Variants in CDK14 observed in about 807,000 individuals in gnomAD.
The protein encoded by CDK14 is cyclin-dependent kinase 14.
CDK14 carries 34 observed loss-of-function variants against 60.7 expected under a neutral mutation model. The observed-to-expected ratio is 0.56, with a 90% CI of 0.43 to 0.75. CDK14 has a LOEUF of 0.75. Ranked by LOEUF, CDK14 falls within the 30% of genes least tolerant of loss-of-function variation. The pLI, the probability that CDK14 is intolerant of heterozygous loss-of-function variation, is 0.00. For synonymous variants in CDK14, 197 were observed against 203.7 expected, an observed-to-expected ratio of 0.97 and a Z score of 0.28; for missense variants, 482 against 564.1, an observed-to-expected ratio of 0.85 and a Z score of 1.47.
At chr7:91,065,831 C>T (rs769949707) in intron 11 of CDK14, among the ~76,000 whole-genome samples, 3 of 152,198 alleles carry the variant, frequency 2.0e-5, no homozygotes, top group Non-Finnish European at 4.4e-5. Context: ...GAATAAAATA[C>T]TGTGCCTTCT....
At chr7:91,026,679 G>C (rs1378697643) in intron 10 of CDK14, among the ~76,000 whole-genome samples, 3 of 152,136 alleles carry the variant, frequency 2.0e-5, no homozygotes, top group South Asian at 4.1e-4. Flanking sequence ...TTAGCTGCGT[G>C]ACCTTCGGCA....
rs1160442832 is a variant in CDK14, at chr7:90,630,881, G to GGTGTGTGT, written c.123+26638_123+26639insGTGTGTGT. Among the ~76,000 whole-genome samples, 16 of 78,888 alleles carry GGTGTGTGT rather than the reference G, an allele frequency of 2.0e-4. No individual in the cohort carries two copies. In the East Asian group the frequency reaches 3.5e-3, roughly 17 times the overall value. 51.8% of individuals were successfully genotyped at this position (78,888 alleles called of 152,430 possible). A position where few individuals can be genotyped will look rare whatever the true frequency, so the allele number is the denominator to read the frequency against. ...TTATCTCTGAGTATTTACATCTTGGGGTGTGTATGTGTGTGTGTGTGTGTG... is the reference window on the plus strand; with the variant it reads ...TTATCTCTGAGTATTTACATCTTGGGGTGTGTGTGTGTGTATGTGTGTGTGTGTGTGTG... On this transcript the variant is annotated intron_variant, in intron 2 of 14. Transcript: ENST00000380050.
chr7:91,204,064 G>A (rs1264116349), intron 14 of CDK14, among the ~76,000 whole-genome samples: 6 of 152,170 alleles, frequency 3.9e-5, no homozygotes, highest in Admixed American at 3.9e-4. Flanking sequence ...GCAAGGATGA[G>A]GAGTGGTCAA....
At chr7:91,110,606 A>G (rs943174790) in intron 12 of CDK14, among the ~76,000 whole-genome samples, 8 of 152,218 alleles carry the variant, frequency 5.3e-5, no homozygotes, top group African/African-American at 7.2e-5. Flanking sequence ...TTGTGCACCA[A>G]CTATCGCAAT....
intron 10 of CDK14, among the ~76,000 whole-genome samples, chr7:90,999,533 G>C (rs996803901): frequency 6.6e-6 from 1 of 152,080 alleles, no homozygotes; most frequent in South Asian, 2.1e-4. Flanking sequence ...AGGTTGCAGT[G>C]AGCCGAGATC....
intron 6 of CDK14, among the ~76,000 whole-genome samples, chr7:90,894,547 G>A (rs999735360): frequency 6.6e-6 from 1 of 152,138 alleles, no homozygotes; most frequent in African/African-American, 2.4e-5. Context: ...TAATGTCATT[G>A]GATTTGGAGG....
chr7:90,884,971 A>G (rs1379251155), intron 6 of CDK14, among the ~76,000 whole-genome samples: 1 of 152,198 alleles, frequency 6.6e-6, no homozygotes, highest in African/African-American at 2.4e-5. Flanking sequence ...AAAACCCAAA[A>G]TCATAAAAAC....
chr7:91,069,873 TG>T (rs1798086661), intron 11 of CDK14, among the ~76,000 whole-genome samples: 1 of 152,204 alleles, frequency 6.6e-6, no homozygotes, highest in Non-Finnish European at 1.5e-5. Flanking sequence ...CATGGCTTAG[TG>T]CAGCCTCTAC....
At chr7:91,039,322 G>A (rs147674785) in intron 10 of CDK14, among the ~76,000 whole-genome samples, 11 of 152,084 alleles carry the variant, frequency 7.2e-5, no homozygotes, top group Non-Finnish European at 1.0e-4. Flanking sequence ...TAAAAAAATC[G>A]TTTATCTTCT....
At chr7:90,655,402 G>C (rs903651455) in intron 2 of CDK14, among the ~76,000 whole-genome samples, 4 of 151,702 alleles carry the variant, frequency 2.6e-5, no homozygotes, top group Admixed American at 2.6e-4. Flanking sequence ...ATGGTCTATC[G>C]GTTTAAAAAA....
chr7:91,081,752 A>T (rs1441873657), intron 12 of CDK14, among the ~76,000 whole-genome samples: 1 of 152,168 alleles, frequency 6.6e-6, no homozygotes, highest in East Asian at 1.9e-4. Flanking sequence ...AACCATGGGC[A>T]TAATTTCATC....
intron 2 of CDK14, 29 bp downstream of exon 2, chr7:90,604,278 G>C: frequency 4.2e-6 from 6 of 1,432,508 alleles, no homozygotes; most frequent in Non-Finnish European, 5.7e-6. Context: ...TCTAATGTTA[G>C]ATGTATTTAA....
intron 4 of CDK14, among the ~76,000 whole-genome samples, chr7:90,789,749 T>C (rs1805748961): frequency 6.6e-6 from 1 of 152,086 alleles, no homozygotes; most frequent in African/African-American, 2.4e-5. Context: ...TTTTTCCTAT[T>C]TTAATTAACA....
chr7:90,627,216 A>C (rs1255037263), intron 2 of CDK14, among the ~76,000 whole-genome samples: 1 of 150,914 alleles, frequency 6.6e-6, no homozygotes, highest in Non-Finnish European at 1.5e-5. Context: ...TGGTCAGCAC[A>C]GATTTTTTTT....
In CDK14 at chr7:90,660,422, C is replaced by A. The variant is rs560973127; in HGVS notation, c.123+56173C>A. On this transcript the variant is annotated intron_variant, in intron 2 of 14. Coordinates refer to ENST00000380050, the MANE Select transcript of CDK14 (RefSeq NM_001287135.2). Reference sequence around the variant, plus strand: ...CTGTAAGATGGGAATAATAATATTGCCTACCTCTTAGCTTTGCTGTAGAGA... The same window carrying A: ...CTGTAAGATGGGAATAATAATATTGACTACCTCTTAGCTTTGCTGTAGAGA... Among the ~76,000 whole-genome samples, 5 of 152,268 alleles carry A rather than the reference C, an allele frequency of 3.3e-5. No homozygotes were observed. The South Asian group carries it at 1.0e-3, about 32-fold the overall frequency.
chr7:90,757,238 GTGTGTGTGTGTGTC>G lies in CDK14; in HGVS notation c.464+9473_464+9486del, dbSNP rs1244924525. ...TGTGTGTGTGTGTGTGTGTGTGTGT[GTGTGTGTGTGTGTC>G]TGTGTGTGTCTGTGTCCAAGTTTTC... On this transcript the variant is annotated intron_variant, in intron 4 of 14. Coordinates refer to ENST00000380050, the MANE Select transcript of CDK14 (RefSeq NM_001287135.2). Among the ~76,000 whole-genome samples, 382 of 145,954 alleles carry G rather than the reference GTGTGTGTGTGTGTC, an allele frequency of 2.6e-3. 5 individuals are homozygous for G. The East Asian group carries it at 0.027, about 10-fold the overall frequency.
intron 2 of CDK14, among the ~76,000 whole-genome samples, chr7:90,645,473 C>A (rs1257202066): frequency 6.6e-6 from 1 of 152,008 alleles, no homozygotes; most frequent in Non-Finnish European, 1.5e-5. Context: ...ATTTGCCAGG[C>A]TTGAATTGAA....
chr7:90,972,318 C>T (rs958981072), intron 9 of CDK14, among the ~76,000 whole-genome samples: 1 of 152,118 alleles, frequency 6.6e-6, no homozygotes, highest in African/African-American at 2.4e-5. Context: ...CTGTAGTCAC[C>T]AAGGGCATGC....
intron 14 of CDK14, among the ~76,000 whole-genome samples, chr7:91,176,389 A>C (rs897026719): frequency 6.6e-6 from 1 of 152,222 alleles, no homozygotes; most frequent in Non-Finnish European, 1.5e-5. Flanking sequence ...CTAACATCAC[A>C]ATTAAAAGAA....
Sources: allele counts gnomAD v4.1 joint callset (sites outside exome capture counted in the v4.1 genomes callset), GRCh38; gene constraint gnomAD v4.1.1; transcripts MANE v1.5; gene names NCBI Gene and HGNC (gene_info 2026-07-23, HGNC 2026-07-21).